Variants in AGBL1 observed in about 807,000 individuals in gnomAD.
The protein encoded by AGBL1 is cytosolic carboxypeptidase 4.
In AGBL1, 130 loss-of-function variants were observed where a neutral mutation model predicts 118.9. That is an observed-to-expected ratio of 1.09 (90% confidence interval 0.95 to 1.26). The LOEUF (loss-of-function observed/expected upper bound fraction) is 1.26. Among genes scored for constraint, AGBL1 ranks in the 50% most tolerant of loss-of-function variants. AGBL1 has a pLI of 0.00. For missense variants in AGBL1, 1,584 were observed against 1,298.1 expected, an observed-to-expected ratio of 1.22 and a Z score of -3.38; for synonymous variants, 555 against 478.9, an observed-to-expected ratio of 1.16 and a Z score of -2.08.
chr15:86,430,252 T>C (rs2081918885), intron 18 of AGBL1, among the ~76,000 whole-genome samples: 1 of 151,926 alleles, frequency 6.6e-6, no homozygotes, highest in Admixed American at 6.6e-5. Flanking sequence ...ATCCCAGCAG[T>C]TTGGGAGGCT....
chr15:86,134,802 A>G (rs2076866850), intron 1 of AGBL1, among the ~76,000 whole-genome samples: 1 of 151,296 alleles, frequency 6.6e-6, no homozygotes, highest in Non-Finnish European at 1.5e-5. Context: ...TTTAGGAGAG[A>G]TGGGGTTTCA....
chr15:86,718,741 C>T (rs2086673974), intron 22 of AGBL1, among the ~76,000 whole-genome samples: 1 of 151,872 alleles, frequency 6.6e-6, no homozygotes, highest in South Asian at 2.1e-4. Context: ...GGGTATGTAG[C>T]CAGGAGGAGG....
chr15:86,755,101 C>T (rs1325340079), intron 22 of AGBL1, among the ~76,000 whole-genome samples: 1 of 151,980 alleles, frequency 6.6e-6, no homozygotes, highest in African/African-American at 2.4e-5. Context: ...AAAATATTTC[C>T]ACAATGTGAC....
At chr15:86,230,521 C>A (rs1191722362) in intron 6 of AGBL1, among the ~76,000 whole-genome samples, 3 of 152,192 alleles carry the variant, frequency 2.0e-5, no homozygotes, top group Non-Finnish European at 4.4e-5. Flanking sequence ...TCCACACTGC[C>A]TGTGGTCTGC....
intron 22 of AGBL1, among the ~76,000 whole-genome samples, chr15:86,770,471 G>C (rs540819656): frequency 2.6e-3 from 396 of 152,066 alleles, no homozygotes; most frequent in African/African-American, 9.3e-3. Flanking sequence ...TCCTACAACA[G>C]AATTATTTGG....
intron 18 of AGBL1, among the ~76,000 whole-genome samples, chr15:86,446,822 C>G (rs561476237): frequency 6.6e-6 from 1 of 152,282 alleles, no homozygotes; most frequent in South Asian, 2.1e-4. Context: ...AATAATTACA[C>G]TGTTATATTT....
intron 24 of AGBL1, among the ~76,000 whole-genome samples, chr15:87,027,897 G>T (rs2081749445): frequency 6.6e-6 from 1 of 151,864 alleles, no homozygotes; most frequent in Admixed American, 6.6e-5. Context: ...TGTAGGTGAG[G>T]GGAGGGCAAG....
intron 18 of AGBL1, among the ~76,000 whole-genome samples, chr15:86,444,727 C>T (rs2082101427): frequency 6.6e-6 from 1 of 152,156 alleles, no homozygotes; most frequent in Non-Finnish European, 1.5e-5. Flanking sequence ...CAGCACCTCA[C>T]ACCTAAAAGC....
chr15:86,155,538 A>G (rs2077177101), intron 4 of AGBL1, among the ~76,000 whole-genome samples: 1 of 152,226 alleles, frequency 6.6e-6, no homozygotes, highest in African/African-American at 2.4e-5. Context: ...GCTCATTTTA[A>G]TTCTATTCCA....
At chr15:86,583,604 A>G (rs1253296781) in intron 21 of AGBL1, among the ~76,000 whole-genome samples, 3 of 152,204 alleles carry the variant, frequency 2.0e-5, no homozygotes, top group East Asian at 1.9e-4. Context: ...AGTTGATTCC[A>G]TATCTTTTCT....
chr15:86,467,492 G>T (rs960753972), intron 18 of AGBL1, among the ~76,000 whole-genome samples: 1 of 152,164 alleles, frequency 6.6e-6, no homozygotes. Context: ...GTTCTCTCTC[G>T]CTGGCATTCC....
intron 22 of AGBL1, among the ~76,000 whole-genome samples, chr15:86,754,898 C>A (rs187890512): frequency 3.4e-4 from 51 of 152,196 alleles, no homozygotes; most frequent in African/African-American, 1.2e-3. Flanking sequence ...TCCCCTTATC[C>A]CTTCTCTCTC....
chr15:86,878,925 C>T (rs1261807728), intron 22 of AGBL1, among the ~76,000 whole-genome samples: 1 of 152,212 alleles, frequency 6.6e-6, no homozygotes, highest in African/African-American at 2.4e-5. Context: ...CAGGAACCTT[C>T]AGCAGCTGGT....
At chr15:86,217,399 G>T (rs532301062) in intron 5 of AGBL1, among the ~76,000 whole-genome samples, 1 of 152,320 alleles carries the variant, frequency 6.6e-6, no homozygotes, top group African/African-American at 2.4e-5. Context: ...CTAAGTGGTA[G>T]GGGTAGAATA....
intron 4 of AGBL1, among the ~76,000 whole-genome samples, chr15:86,158,025 G>A (rs1227764948): frequency 1.3e-5 from 2 of 152,138 alleles, no homozygotes; most frequent in Non-Finnish European, 2.9e-5. Context: ...TCTCTAGTCT[G>A]TTTTCCCAAT....
intron 22 of AGBL1, among the ~76,000 whole-genome samples, chr15:86,905,373 G>A (rs988704923): frequency 6.6e-6 from 1 of 152,214 alleles, no homozygotes; most frequent in African/African-American, 2.4e-5. Context: ...GAGCATCATT[G>A]CAAGTTCCAC....
intron 17 of AGBL1, among the ~76,000 whole-genome samples, chr15:86,337,012 GGACTCT>G (rs2080381201): frequency 6.6e-6 from 1 of 152,212 alleles, no homozygotes; most frequent in Non-Finnish European, 1.5e-5. Context: ...GCACTCCTAA[GGACTCT>G]GGCTGTCCGG....
At chr15:86,524,485 G>GCAACAATA (rs1435139475) in intron 19 of AGBL1, among the ~76,000 whole-genome samples, 6 of 152,220 alleles carry the variant, frequency 3.9e-5, no homozygotes, top group African/African-American at 9.7e-5. Context: ...TGACTCTCCA[G>GCAACAATA]CAACAATATG....
intron 22 of AGBL1, among the ~76,000 whole-genome samples, chr15:86,795,486 G>C (rs1406271231): frequency 1.3e-5 from 2 of 151,880 alleles, no homozygotes; most frequent in Admixed American, 1.3e-4. Context: ...TAGATCCAAT[G>C]TGATGTTCAG....
Sources: gnomAD v4.1 joint callset for allele counts (sites outside exome capture counted in the v4.1 genomes callset) on GRCh38, gnomAD v4.1.1 for gene constraint, MANE v1.5 for transcripts, NCBI Gene and HGNC (gene_info 2026-07-23, HGNC 2026-07-21) for gene names.